Variants in HS3ST5 observed in about 807,000 individuals in gnomAD.
HS3ST5 encodes heparan sulfate glucosamine 3-O-sulfotransferase 5.
HS3ST5 carries 10 observed loss-of-function variants against 25.4 expected under a neutral mutation model. The observed-to-expected ratio is 0.39, with a 90% CI of 0.24 to 0.67. The LOEUF (loss-of-function observed/expected upper bound fraction) is 0.67, where lower values mean the gene tolerates loss of function less well. Among genes scored for constraint, HS3ST5 ranks in the 30% least tolerant of loss-of-function variants. HS3ST5 has a pLI of 0.44. For missense variants in HS3ST5, 324 were observed against 420.7 expected (o/e 0.77, Z 2.01); for synonymous variants, 170 against 162.4 (o/e 1.05, Z -0.36).
At chr6:114,236,984 T>C (rs1771887246) in intron 1 of HS3ST5, among the ~76,000 whole-genome samples, 1 of 152,254 alleles carries the variant, frequency 6.6e-6, no homozygotes, top group African/African-American at 2.4e-5. Flanking sequence ...AATGTTACAC[T>C]GAAAGTGAGC....
At chr6:114,065,257 C>A (rs933968970) in intron 3 of HS3ST5, among the ~76,000 whole-genome samples, 5 of 152,186 alleles carry the variant, frequency 3.3e-5, no homozygotes, top group Admixed American at 1.3e-4. Flanking sequence ...ACACAACTGA[C>A]AGATAATGTG....
At chr6:114,115,429 G>A (rs1776473060) in intron 3 of HS3ST5, among the ~76,000 whole-genome samples, 1 of 152,030 alleles carries the variant, frequency 6.6e-6, no homozygotes, top group East Asian at 1.9e-4. Context: ...CCAAGTCTCT[G>A]TTAGCTTGGT....
chr6:114,075,855 C>T (rs930386828), intron 3 of HS3ST5, among the ~76,000 whole-genome samples: 9 of 152,248 alleles, frequency 5.9e-5, no homozygotes, highest in South Asian at 2.1e-4. Context: ...GTTCTGTGGT[C>T]GTCCTTGAGG....
chr6:114,171,863 A>C (rs189877301), intron 2 of HS3ST5, among the ~76,000 whole-genome samples: 15 of 152,316 alleles, frequency 9.8e-5, no homozygotes, highest in African/African-American at 3.6e-4. Context: ...TAAATTAAAG[A>C]AAAGGTAAAG....
intron 1 of HS3ST5, among the ~76,000 whole-genome samples, chr6:114,327,975 G>T (rs1420694549): frequency 6.6e-6 from 1 of 152,072 alleles, no homozygotes; most frequent in Non-Finnish European, 1.5e-5. Context: ...ATCAGTATAG[G>T]CTCACACTTA....
At chr6:114,302,101 C>T (rs1775100933) in intron 1 of HS3ST5, among the ~76,000 whole-genome samples, 2 of 152,276 alleles carry the variant, frequency 1.3e-5, no homozygotes, top group South Asian at 4.1e-4. Context: ...TGAATGTATT[C>T]TTGCCAAACT....
At chr6:114,110,228 T>C (rs1776200399) in intron 3 of HS3ST5, among the ~76,000 whole-genome samples, 1 of 152,128 alleles carries the variant, frequency 6.6e-6, no homozygotes, top group Non-Finnish European at 1.5e-5. Context: ...TTGTTGTTGT[T>C]GATGAAATAT....
At position 114,284,112 on chromosome 6, in the gene HS3ST5, TA is replaced by T. The variant is rs1774237950; in HGVS notation, c.-338-55335del. 4.6e-5 allele frequency among the ~76,000 whole-genome samples: 7 copies of T among 152,130 alleles called. No individual in the cohort carries two copies. In the South Asian group the frequency reaches 1.4e-3, roughly 31 times the overall value. On this transcript the variant is annotated intron_variant, in intron 1 of 4. Coordinates refer to ENST00000312719, the MANE Select transcript of HS3ST5 (RefSeq NM_153612.4). Reference sequence around the variant, plus strand: ...GAAATACACCTTCCTTTAAAGATGATAAAATGATTATATACTCATATGCCCT... The same window carrying T: ...GAAATACACCTTCCTTTAAAGATGATAAATGATTATATACTCATATGCCCT...
chr6:114,334,535 T>C (rs785137), intron 1 of HS3ST5, among the ~76,000 whole-genome samples: 71,402 of 152,086 alleles, frequency 0.47, 17,930 homozygotes, highest in African/African-American at 0.63. Context: ...ACAGTGGTCT[T>C]GTTAGATTAC....
At chr6:114,322,516 A>T (rs530342597) in intron 1 of HS3ST5, among the ~76,000 whole-genome samples, 4 of 152,150 alleles carry the variant, frequency 2.6e-5, no homozygotes, top group Non-Finnish European at 4.4e-5. Flanking sequence ...TTCTAAATAT[A>T]TATTCTAAAT....
intron 3 of HS3ST5, among the ~76,000 whole-genome samples, chr6:114,164,269 C>A (rs1050764946): frequency 2.0e-5 from 3 of 151,886 alleles, no homozygotes; most frequent in African/African-American, 7.3e-5. Context: ...TACAAAATAC[C>A]TTTGAAACTG....
intron 2 of HS3ST5, among the ~76,000 whole-genome samples, chr6:114,212,682 T>C (rs540653994): frequency 6.6e-6 from 1 of 152,366 alleles, no homozygotes; most frequent in African/African-American, 2.4e-5. Context: ...TTAAAGCAGT[T>C]AACTCTAAAT....
chr6:114,151,638 C>T (rs921539549), intron 3 of HS3ST5, among the ~76,000 whole-genome samples: 1 of 152,176 alleles, frequency 6.6e-6, no homozygotes, highest in Non-Finnish European at 1.5e-5. Flanking sequence ...CCAGTGCAAC[C>T]TCTCTCTGGA....
At chr6:114,119,362 A>G (rs1049607286) in intron 3 of HS3ST5, among the ~76,000 whole-genome samples, 2 of 152,242 alleles carry the variant, frequency 1.3e-5, no homozygotes, top group Non-Finnish European at 2.9e-5. Context: ...AGAATCTGAT[A>G]AATTCTTGAC....
chr6:114,110,779 T>G (rs1458408539), intron 3 of HS3ST5, among the ~76,000 whole-genome samples: 1 of 152,190 alleles, frequency 6.6e-6, no homozygotes. Context: ...ACATGAATTT[T>G]TAAAAACTGC....
intron 3 of HS3ST5, among the ~76,000 whole-genome samples, chr6:114,147,196 G>A (rs1778211806): frequency 6.6e-6 from 1 of 152,220 alleles, no homozygotes; most frequent in Admixed American, 6.5e-5. Context: ...ATGACTTTGT[G>A]CTGGATGCAA....
chr6:114,253,831 A>T (rs867726676), intron 1 of HS3ST5, among the ~76,000 whole-genome samples: 1 of 152,074 alleles, frequency 6.6e-6, no homozygotes, highest in Non-Finnish European at 1.5e-5. Context: ...CCTATTCTCT[A>T]TTTAAGCAGA....
intron 3 of HS3ST5, among the ~76,000 whole-genome samples, chr6:114,101,510 T>C (rs1307837985): frequency 6.6e-6 from 1 of 152,108 alleles, no homozygotes; most frequent in East Asian, 1.9e-4. Context: ...TGTGGGTATA[T>C]CAAAAGCTCC....
intron 1 of HS3ST5, among the ~76,000 whole-genome samples, chr6:114,308,715 C>A (rs1775405906): frequency 6.6e-6 from 1 of 152,182 alleles, no homozygotes; most frequent in African/African-American, 2.4e-5. Flanking sequence ...ACCCCCTGAA[C>A]TGCCCCAGCA....
Sources: gnomAD v4.1 joint callset for allele counts (sites outside exome capture counted in the v4.1 genomes callset) on GRCh38, gnomAD v4.1.1 for gene constraint, MANE v1.5 for transcripts, NCBI Gene and HGNC (gene_info 2026-07-23, HGNC 2026-07-21) for gene names.